DLG1: variants seen among roughly 807,000 people sequenced by gnomAD.
The protein encoded by DLG1 is disks large homolog 1.
DLG1 carries 42 observed loss-of-function variants against 123.4 expected under a neutral mutation model. The ratio of observed to expected loss-of-function variants is 0.34; its 90% CI spans 0.27 to 0.44. The LOEUF is 0.44. Ranked by LOEUF, DLG1 falls within the 20% of genes least tolerant of loss-of-function variation. The pLI, the probability that DLG1 is intolerant of heterozygous loss-of-function variation, is 1.00. For synonymous variants in DLG1, 317 were observed against 356.2 expected (o/e 0.89, Z 1.24); for missense variants, 942 against 1,082.6 (o/e 0.87, Z 1.82).
intron 1 of DLG1, chr3:197,297,845 G>A: frequency 3.0e-6 from 3 of 985,294 alleles, no homozygotes; most frequent in Non-Finnish European, 3.6e-6. Context: ...GTGCGCCCCG[G>A]CCAGACTCGG....
chr3:197,065,933 C>T, intron 20 of DLG1, 124 bp from the exon 21 acceptor site: 1 of 587,232 alleles, frequency 1.7e-6, no homozygotes, highest in Non-Finnish European at 3.0e-6. Context: ...CTCTCCATCT[C>T]ACTCTACCAT....
intron 5 of DLG1, chr3:197,161,772 A>C: frequency 1.5e-6 from 2 of 1,352,016 alleles, no homozygotes; most frequent in Non-Finnish European, 2.1e-6. Context: ...ATCAGGAAAA[A>C]CACCAAAATA....
At chr3:197,232,630 C>T (rs935770379) in intron 4 of DLG1, among the ~76,000 whole-genome samples, 2 of 151,920 alleles carry the variant, frequency 1.3e-5, no homozygotes, top group Non-Finnish European at 2.9e-5. Context: ...AGAAATGCAT[C>T]CTGCAGGCAC....
At chr3:197,269,686 T>TAAAGTAA (rs1763111220) in intron 4 of DLG1, among the ~76,000 whole-genome samples, 1 of 152,164 alleles carries the variant, frequency 6.6e-6, no homozygotes, top group African/African-American at 2.4e-5. Context: ...CAGTATAAGC[T>TAAAGTAA]CCACGTATTA....
At chr3:197,123,312 T>C (rs1777378262) in intron 11 of DLG1, among the ~76,000 whole-genome samples, 1 of 152,188 alleles carries the variant, frequency 6.6e-6, no homozygotes, top group Non-Finnish European at 1.5e-5. Context: ...AAAGTACCAT[T>C]GTTTTGAGGG....
intron 13 of DLG1, among the ~76,000 whole-genome samples, chr3:197,111,602 G>C (rs1229258241): frequency 6.6e-6 from 1 of 152,048 alleles, no homozygotes; most frequent in Non-Finnish European, 1.5e-5. Context: ...CAGCTGAAAG[G>C]ATTTTGCTAA....
chr3:197,285,008 C>T (rs1771137395), intron 3 of DLG1, among the ~76,000 whole-genome samples: 1 of 148,578 alleles, frequency 6.7e-6, no homozygotes. Context: ...ACAGAAGAGG[C>T]CAGAATCATT....
Position 197,142,842 on chromosome 3 carries a change from T to G in DLG1, c.538-74A>C. The G allele has an allele frequency of 3.4e-6, 4 of 1,178,448 alleles. No homozygotes were observed. The South Asian group carries it at 5.6e-5, about 16-fold the overall frequency. 73.0% of individuals were successfully genotyped at this position (1,178,448 alleles called of 1,614,324 possible). Reference sequence around the variant, plus strand: ...AAAATGGCAAGGCAAAATTTTTGTATGATTTATTAATGAAAACCTGTTGAA... The same window carrying G: ...AAAATGGCAAGGCAAAATTTTTGTAGGATTTATTAATGAAAACCTGTTGAA... On this transcript the variant is annotated intron_variant, in intron 6 of 24. Transcript: ENST00000667157.
intron 4 of DLG1, among the ~76,000 whole-genome samples, chr3:197,232,477 T>C (rs182319595): frequency 2.2e-4 from 33 of 152,144 alleles, no homozygotes; most frequent in African/African-American, 6.7e-4. Context: ...ATTAGGTTTA[T>C]AGCTCTATGC....
chr3:197,258,480 C>T (rs1757861318), intron 4 of DLG1, among the ~76,000 whole-genome samples: 1 of 152,120 alleles, frequency 6.6e-6, no homozygotes, highest in Non-Finnish European at 1.5e-5. Context: ...TAGCTCAACC[C>T]ACATGCCTGT....
intron 4 of DLG1, among the ~76,000 whole-genome samples, chr3:197,231,288 A>G (rs927904434): frequency 1.3e-5 from 2 of 152,200 alleles, no homozygotes; most frequent in Non-Finnish European, 2.9e-5. Context: ...ATACCTATGA[A>G]TTTGCCATCA....
At position 197,243,065 on chromosome 3, in the gene DLG1, C is replaced by T. The variant is rs145727680; in HGVS notation, c.318+39614G>A. 1.6e-3 allele frequency among the ~76,000 whole-genome samples: 250 copies of T among 152,276 alleles called. 1 individual carries two copies. The highest frequency in any genetic ancestry group is 3.1e-3 in the African/African-American group (128 of 41,572). ...AGAAGGGTGCTGCCTGCGTTAGTTA[C>T]GATCGCAAGAGCACACCAAACAAAG... On this transcript the variant is annotated intron_variant, in intron 4 of 24. Coordinates refer to ENST00000667157, the MANE Select transcript of DLG1 (RefSeq NM_001366207.1).
chr3:197,240,374 G>C (rs1457072580), intron 4 of DLG1, among the ~76,000 whole-genome samples: 2 of 152,184 alleles, frequency 1.3e-5, no homozygotes, highest in African/African-American at 4.8e-5. Context: ...AAGGTAACTA[G>C]AGAGAGCTAA....
At chr3:197,074,473 A>C (rs1745997694) in intron 18 of DLG1, among the ~76,000 whole-genome samples, 1 of 152,044 alleles carries the variant, frequency 6.6e-6, no homozygotes, top group African/African-American at 2.4e-5. Flanking sequence ...TTCTTTTTCT[A>C]TGAGTTTCCT....
intron 23 of DLG1, among the ~76,000 whole-genome samples, chr3:197,057,371 C>T (rs539850767): frequency 3.1e-4 from 47 of 152,306 alleles, no homozygotes; most frequent in African/African-American, 1.1e-3. Flanking sequence ...TGTGAGCCGC[C>T]GCACCTGACA....
chr3:197,254,175 C>A (rs1036515501), intron 4 of DLG1, among the ~76,000 whole-genome samples: 1 of 152,116 alleles, frequency 6.6e-6, no homozygotes, highest in East Asian at 1.9e-4. Context: ...GTTATTTGTC[C>A]CCACACATTA....
intron 24 of DLG1, among the ~76,000 whole-genome samples, chr3:197,045,729 GAC>G (rs1403310235): frequency 2.0e-5 from 3 of 152,154 alleles, no homozygotes; most frequent in Non-Finnish European, 4.4e-5. Flanking sequence ...TTGCCTGGGT[GAC>G]AGAGTGGAAC....
At chr3:197,148,407 T>C (rs1404543136) in intron 6 of DLG1, among the ~76,000 whole-genome samples, 1 of 91,426 alleles carries the variant, frequency 1.1e-5, no homozygotes, top group African/African-American at 4.5e-5. Flanking sequence ...TGAAACTGTC[T>C]CAAGAAAAAA....
chr3:197,160,935 C>A (rs1798537444), intron 5 of DLG1, among the ~76,000 whole-genome samples: 1 of 152,142 alleles, frequency 6.6e-6, no homozygotes, highest in Non-Finnish European at 1.5e-5. Flanking sequence ...TTTAATACCA[C>A]TACCATTATT....
Sources: gnomAD v4.1 joint callset for allele counts (sites outside exome capture counted in the v4.1 genomes callset) on GRCh38, gnomAD v4.1.1 for gene constraint, MANE v1.5 for transcripts, NCBI Gene and HGNC (gene_info 2026-07-23, HGNC 2026-07-21) for gene names.